CLMP: variants seen among roughly 807,000 people sequenced by gnomAD.
CLMP encodes the protein CXADR-like membrane protein.
A neutral mutation model predicts 45.2 loss-of-function variants in CLMP; 27 were observed. The ratio of observed to expected loss-of-function variants is 0.60; its 90% CI spans 0.44 to 0.82. The LOEUF is 0.82. Among genes scored for constraint, CLMP ranks in the 40% least tolerant of loss-of-function variants. The pLI is 0.00. For missense variants in CLMP, 403 were observed against 448.4 expected, an observed-to-expected ratio of 0.90 and a Z score of 0.91; for synonymous variants, 167 against 171.4, an observed-to-expected ratio of 0.97 and a Z score of 0.20.
rs553993481 is a variant in CLMP, at chr11:123,164,620, A to T, written c.28+30293T>A. Among the ~76,000 whole-genome samples the T allele has an allele frequency of 3.5e-3, 530 of 151,128 alleles. 4 individuals carry two copies. Among genetic ancestry groups the T allele is most frequent in the African/African-American group, 0.012 (499 of 41,126 alleles). ...TGCCTGGCTTGATTTTTTTTTTTTT[A>T]AATGAATGAAAAACTAATCAAGTGA... On this transcript the variant is annotated intron_variant, in intron 1 of 6. Coordinates refer to ENST00000448775, the MANE Select transcript of CLMP (RefSeq NM_024769.5).
chr11:123,085,785 T>A (rs1256327360), intron 2 of CLMP, among the ~76,000 whole-genome samples: 4 of 146,850 alleles, frequency 2.7e-5, no homozygotes, highest in South Asian at 2.2e-4. Flanking sequence ...TTTTTTTTGT[T>A]TTTTTTTTGA....
At chr11:123,139,855 T>G (rs945509006) in intron 1 of CLMP, among the ~76,000 whole-genome samples, 17 of 151,030 alleles carry the variant, frequency 1.1e-4, no homozygotes, top group African/African-American at 4.2e-4. Context: ...TAAAATAAAA[T>G]AAAATAAAAA....
intron 1 of CLMP, among the ~76,000 whole-genome samples, chr11:123,161,736 C>A (rs1054566880): frequency 6.6e-6 from 1 of 152,130 alleles, no homozygotes; most frequent in Admixed American, 6.5e-5. Context: ...AATGGCTGGG[C>A]GTCACCCCTC....
chr11:123,144,401 C>G (rs7937909), intron 1 of CLMP, among the ~76,000 whole-genome samples: 38,755 of 152,064 alleles, frequency 0.25, 5,284 homozygotes, highest in African/African-American at 0.33. Flanking sequence ...GACCGACTTT[C>G]GCTCTTGTTG....
chr11:123,088,783 A>T (rs965661001), intron 2 of CLMP, among the ~76,000 whole-genome samples: 8 of 151,866 alleles, frequency 5.3e-5, no homozygotes, highest in African/African-American at 1.9e-4. Flanking sequence ...TCACCACCAC[A>T]CCAGCTAATT....
intron 1 of CLMP, among the ~76,000 whole-genome samples, chr11:123,102,592 T>C (rs7926508): frequency 0.091 from 13,583 of 149,954 alleles, 765 homozygotes; most frequent in East Asian, 0.16. Flanking sequence ...TTTTTTTTTT[T>C]TTTGAGATAG....
At chr11:123,169,886 A>T (rs1186900803) in intron 1 of CLMP, among the ~76,000 whole-genome samples, 1 of 152,144 alleles carries the variant, frequency 6.6e-6, no homozygotes, top group Non-Finnish European at 1.5e-5. Flanking sequence ...AATTTTTCTG[A>T]TTGGCAGTTG....
At chr11:123,149,842 C>T (rs1036634200) in intron 1 of CLMP, among the ~76,000 whole-genome samples, 16 of 150,614 alleles carry the variant, frequency 1.1e-4, no homozygotes, top group Non-Finnish European at 1.9e-4. Context: ...GGCAGAGACT[C>T]ACTCTGTCAT....
At chr11:123,179,347 C>T (rs930335475) in intron 1 of CLMP, among the ~76,000 whole-genome samples, 3 of 152,038 alleles carry the variant, frequency 2.0e-5, no homozygotes, top group African/African-American at 4.8e-5. Flanking sequence ...TGGGTGGAGG[C>T]GGGATAGAGA....
intron 1 of CLMP, among the ~76,000 whole-genome samples, chr11:123,126,627 G>A (rs1262584840): frequency 6.6e-6 from 1 of 152,194 alleles, no homozygotes; most frequent in African/African-American, 2.4e-5. Context: ...GCTGGGTGCA[G>A]TAGCTCACGC....
intron 1 of CLMP, among the ~76,000 whole-genome samples, chr11:123,179,985 T>G (rs1179507663): frequency 6.6e-6 from 1 of 152,168 alleles, no homozygotes; most frequent in Non-Finnish European, 1.5e-5. Flanking sequence ...AATCAGAACT[T>G]GCATTTTTAA....
chr11:123,158,344 A>T (rs1861442166), intron 1 of CLMP, among the ~76,000 whole-genome samples: 1 of 152,182 alleles, frequency 6.6e-6, no homozygotes, highest in African/African-American at 2.4e-5. Context: ...ATCTTAATAA[A>T]ATGCTTCTCT....
At chr11:123,098,059 G>C in intron 1 of CLMP, 107 bp from the exon 2 acceptor site, 1 of 940,352 alleles carries the variant, frequency 1.1e-6, no homozygotes, top group Non-Finnish European at 1.5e-6. Flanking sequence ...GCAAGTGCAT[G>C]TGGAGGGGTT....
At chr11:123,188,811 G>A (rs1861866243) in intron 1 of CLMP, 3 of 152,184 alleles carry the variant, frequency 2.0e-5, no homozygotes, top group Admixed American at 2.0e-4. Flanking sequence ...TATTTTTCCA[G>A]TATCCAGACA....
chr11:123,167,101 T>C (rs1861568065), intron 1 of CLMP, among the ~76,000 whole-genome samples: 1 of 152,146 alleles, frequency 6.6e-6, no homozygotes, highest in Non-Finnish European at 1.5e-5. Flanking sequence ...GCTTGGCACA[T>C]AGTAGGTATT....
At chr11:123,111,378 A>G (rs893630136) in intron 1 of CLMP, among the ~76,000 whole-genome samples, 1 of 152,066 alleles carries the variant, frequency 6.6e-6, no homozygotes, top group African/African-American at 2.4e-5. Context: ...TGATCGGCCC[A>G]CCGCAGCCTC....
In CLMP at chr11:123,071,569, C is replaced by G. The variant is rs2135457660; in HGVS notation, c.*1905G>C. 6.6e-6 allele frequency: 1 copy of G among 152,156 alleles called. No individual in the cohort carries two copies. The highest frequency in any genetic ancestry group is 1.9e-4 in the East Asian group (1 of 5,174). 9.4% of individuals were successfully genotyped at this position (152,156 alleles called of 1,614,324 possible). A position where few individuals can be genotyped will look rare whatever the true frequency, so the allele number is the denominator to read the frequency against. On this transcript the variant is annotated 3_prime_UTR_variant, in exon 7 of 7. Coordinates refer to ENST00000448775, the MANE Select transcript of CLMP (RefSeq NM_024769.5). ...AGAAACCCTGTCTCTATCAGAACTCCAAAAATTAGCTGGGTGTGATGGCAG... is the reference window on the plus strand; with the variant it reads ...AGAAACCCTGTCTCTATCAGAACTCGAAAAATTAGCTGGGTGTGATGGCAG...
In CLMP at chr11:123,073,588, C is replaced by T. The variant is rs1356783630; in HGVS notation, c.1008G>A (p.Val336=). The change falls in exon 7 of 7, where the codon GTG becomes GTA. Residue 336 remains valine, a synonymous_variant. Coordinates refer to ENST00000448775, the MANE Select transcript of CLMP (RefSeq NM_024769.5). ...PGLATQAYSL[V]GPEVRGSEPK... is the part of the protein sequence containing the mutation. Reference sequence around the variant, plus strand: ...GTTCAGAACCTCTCACCTCTGGCCCCACTAGGCTGTATGCCTGGGTGGCCA... The same window carrying T: ...GTTCAGAACCTCTCACCTCTGGCCCTACTAGGCTGTATGCCTGGGTGGCCA... 1 of 1,614,238 alleles carries T rather than the reference C, an allele frequency of 6.2e-7. No individual in the cohort carries two copies. Among genetic ancestry groups the T allele is most frequent in the Non-Finnish European group, 8.5e-7 (1 of 1,180,046 alleles).
At chr11:123,170,785 G>T (rs971835506) in intron 1 of CLMP, among the ~76,000 whole-genome samples, 1 of 152,108 alleles carries the variant, frequency 6.6e-6, no homozygotes, top group African/African-American at 2.4e-5. Flanking sequence ...AGATCAGCTC[G>T]TTGTCATCCT....
Sources: allele counts gnomAD v4.1 joint callset (sites outside exome capture counted in the v4.1 genomes callset), GRCh38; gene constraint gnomAD v4.1.1; transcripts MANE v1.5; gene names NCBI Gene and HGNC (gene_info 2026-07-23, HGNC 2026-07-21).